The following RBM47 variants were observed in gnomAD, a reference collection of about 807,000 sequenced individuals.
RBM47 encodes the protein RNA binding motif protein 47.
A neutral mutation model predicts 47.1 loss-of-function variants in RBM47; 21 were observed. That is an observed-to-expected ratio of 0.45 (90% CI 0.32 to 0.64). The LOEUF is 0.64. RBM47 is among the 30% of genes least tolerant of loss of function. The probability of loss-of-function intolerance (pLI) is 0.05; values close to 1 mark genes in which losing one functional copy is unlikely to be tolerated. For missense variants in RBM47, 708 were observed against 870.9 expected, an observed-to-expected ratio of 0.81 and a Z score of 2.35; for synonymous variants, 375 against 361.7, an observed-to-expected ratio of 1.04 and a Z score of -0.42.
intron 3 of RBM47, among the ~76,000 whole-genome samples, chr4:40,464,986 T>C (rs1236070647): frequency 1.3e-5 from 2 of 151,404 alleles, no homozygotes; most frequent in Non-Finnish European, 2.9e-5. Context: ...TATATTTGGA[T>C]TGTGGGCTTA....
At chr4:40,450,496 G>C (rs1262757162) in intron 3 of RBM47, among the ~76,000 whole-genome samples, 1 of 152,032 alleles carries the variant, frequency 6.6e-6, no homozygotes, top group South Asian at 2.1e-4. Flanking sequence ...CAGCTATTTG[G>C]GAGGCTGAGG....
At chr4:40,545,874 T>C (rs1195167276) in intron 1 of RBM47, among the ~76,000 whole-genome samples, 1 of 152,000 alleles carries the variant, frequency 6.6e-6, no homozygotes, top group African/African-American at 2.4e-5. Flanking sequence ...TCATCTAATA[T>C]GGGCCTAATA....
At chr4:40,430,127 G>C (rs932048194) in intron 6 of RBM47, among the ~76,000 whole-genome samples, 6 of 152,016 alleles carry the variant, frequency 3.9e-5, no homozygotes, top group Non-Finnish European at 8.8e-5. Flanking sequence ...CCTGGGAGGC[G>C]GAGGTTGCAG....
chr4:40,487,391 G>GAAA (rs1721243879), intron 2 of RBM47, among the ~76,000 whole-genome samples: 3 of 152,126 alleles, frequency 2.0e-5, no homozygotes, highest in Non-Finnish European at 4.4e-5. Context: ...CACCTCCCAG[G>GAAA]TTCAAGTGAT....
At chr4:40,433,807 G>A (rs373155617) in intron 5 of RBM47, among the ~76,000 whole-genome samples, 2 of 152,138 alleles carry the variant, frequency 1.3e-5, no homozygotes, top group Admixed American at 6.5e-5. Flanking sequence ...TCATGCCCAC[G>A]CAAAGTAGTG....
rs1278546233 is a variant in RBM47 at position 40,424,984 on chromosome 4, AAAAAAAAC to A, written c.*912_*919del. 6.6e-6 allele frequency: 1 copy of A among 152,134 alleles called. No individual in the cohort carries two copies. Among genetic ancestry groups the A allele is most frequent in the African/African-American group, 2.4e-5 (1 of 41,434 alleles). The allele number at this position is 152,134 out of a possible 1,614,324, so 9.4% of individuals were successfully genotyped here. A position where few individuals can be genotyped will look rare whatever the true frequency, so the allele number is the denominator to read the frequency against. On this transcript the variant is annotated 3_prime_UTR_variant, in exon 7 of 7. Coordinates refer to ENST00000295971, the MANE Select transcript of RBM47 (RefSeq NM_001098634.2). ...GACAATACTTCCCCAACCAAACAAA[AAAAAAAAC>A]AAAAAACAACGAAACAACAAACCCC...
chr4:40,605,924 T>G (rs1735717809), intron 1 of RBM47, among the ~76,000 whole-genome samples: 1 of 151,082 alleles, frequency 6.6e-6, no homozygotes, highest in South Asian at 2.1e-4. Flanking sequence ...CAAAAGTGAG[T>G]TGATTTAAAG....
rs542313357 is a variant in RBM47, at chr4:40,505,262, G to A, written c.-154-38563C>T. On this transcript the variant is annotated intron_variant, in intron 2 of 6. Coordinates refer to ENST00000295971, the MANE Select transcript of RBM47 (RefSeq NM_001098634.2). ...CCAGCACTTTGGGAGGCTGAGATGG[G>A]TGGCTGATCACTTGAGGCCAGGAGT... 1.5e-3 allele frequency among the ~76,000 whole-genome samples: 235 copies of A among 152,018 alleles called. 1 individual carries two copies. Among genetic ancestry groups the A allele is most frequent in the Non-Finnish European group, 2.7e-3 (184 of 67,988 alleles).
chr4:40,585,822 AAT>A (rs1733522889), intron 1 of RBM47, among the ~76,000 whole-genome samples: 2 of 152,208 alleles, frequency 1.3e-5, no homozygotes, highest in South Asian at 4.1e-4. Context: ...CCCAGCAGCA[AAT>A]ATCATATCTG....
At chr4:40,554,680 A>T (rs892077572) in intron 1 of RBM47, among the ~76,000 whole-genome samples, 1 of 152,094 alleles carries the variant, frequency 6.6e-6, no homozygotes, top group African/African-American at 2.4e-5. Context: ...AAGAAAAAAA[A>T]TTTTAAAGAA....
At position 40,423,639 on chromosome 4, in the gene RBM47, ATTCTTTCTTTCTTTTTCTTTCT is replaced by A. The variant is rs1714635331; in HGVS notation, c.*2243_*2264del. On this transcript the variant is annotated 3_prime_UTR_variant, in exon 7 of 7. Coordinates refer to ENST00000295971, the MANE Select transcript of RBM47 (RefSeq NM_001098634.2). ...GGTTGCCATGTTATCATTTTTTTTT[ATTCTTTCTTTCTTTTTCTTTCT>A]TTCTTTCTTTCTTTCTTTCTTTCTT... 6.8e-6 allele frequency: 1 copy of A among 146,690 alleles called. No homozygotes were observed. Among genetic ancestry groups the A allele is most frequent in the Non-Finnish European group, 1.5e-5 (1 of 66,362 alleles). The allele number at this position is 146,690 out of a possible 1,614,324, so 9.1% of individuals were successfully genotyped here.
intron 1 of RBM47, among the ~76,000 whole-genome samples, chr4:40,601,628 CA>C (rs1359091226): frequency 1.3e-5 from 2 of 152,098 alleles, no homozygotes; most frequent in Non-Finnish European, 2.9e-5. Context: ...ACTGGCATGC[CA>C]AAAAAGCTTC....
At chr4:40,450,952 T>C (rs960754767) in intron 3 of RBM47, among the ~76,000 whole-genome samples, 5 of 152,188 alleles carry the variant, frequency 3.3e-5, no homozygotes, top group Non-Finnish European at 7.4e-5. Context: ...TATGATTATA[T>C]ACTGGCACAC....
At chr4:40,603,083 C>T (rs1735428753) in intron 1 of RBM47, among the ~76,000 whole-genome samples, 1 of 152,124 alleles carries the variant, frequency 6.6e-6, no homozygotes, top group South Asian at 2.1e-4. Context: ...GAACATAGTA[C>T]TTATATAGTC....
chr4:40,480,221 A>C (rs1279408498), intron 2 of RBM47, among the ~76,000 whole-genome samples: 1 of 152,064 alleles, frequency 6.6e-6, no homozygotes, highest in Non-Finnish European at 1.5e-5. Flanking sequence ...CAGGTGATCC[A>C]TCTGCCTCGG....
chr4:40,431,656 TAA>T (rs552107936), intron 6 of RBM47, among the ~76,000 whole-genome samples: 11,493 of 58,164 alleles, frequency 0.2, 486 homozygotes, highest in Non-Finnish European at 0.25. Context: ...AGACTCCGTC[TAA>T]AAAAAAAAAA....
chr4:40,593,013 TG>T (rs1734390188), intron 1 of RBM47, among the ~76,000 whole-genome samples: 1 of 81,696 alleles, frequency 1.2e-5, no homozygotes, highest in Non-Finnish European at 2.2e-5. Flanking sequence ...TTTTTTTTTT[TG>T]AGACGGAGTC....
At chr4:40,598,422 T>C (rs1191586122) in intron 1 of RBM47, among the ~76,000 whole-genome samples, 5 of 152,012 alleles carry the variant, frequency 3.3e-5, no homozygotes, top group African/African-American at 4.8e-5. Flanking sequence ...AGTCTTTGTA[T>C]TGTTTTGTAG....
chr4:40,437,728 A>C, intron 4 of RBM47, 43 bp downstream of exon 4: 1 of 1,537,976 alleles, frequency 6.5e-7, no homozygotes, highest in African/African-American at 1.4e-5. Context: ...CCTAGGAGGC[A>C]ACGTTCTTGG....
Sources: gnomAD v4.1 joint callset for allele counts (sites outside exome capture counted in the v4.1 genomes callset) on GRCh38, gnomAD v4.1.1 for gene constraint, MANE v1.5 for transcripts, NCBI Gene and HGNC (gene_info 2026-07-23, HGNC 2026-07-21) for gene names.